The following ZFHX3 variants were observed in gnomAD, a reference collection of about 807,000 sequenced individuals.
ZFHX3 encodes the protein zinc finger homeobox protein 3.
A neutral mutation model predicts 279.1 loss-of-function variants in ZFHX3; 42 were observed. The ratio of observed to expected loss-of-function variants is 0.15; its 90% CI spans 0.12 to 0.19. ZFHX3 has a LOEUF of 0.19. ZFHX3 is among the 10% of genes least tolerant of loss of function. The pLI is 1.00. For missense variants in ZFHX3, 4,981 were observed against 4,754.0 expected (o/e 1.05, Z -1.40); for synonymous variants, 2,293 against 1,957.8 (o/e 1.17, Z -4.52).
intron 1 of ZFHX3, among the ~76,000 whole-genome samples, chr16:73,710,904 C>A (rs938294669): frequency 1.3e-5 from 2 of 152,174 alleles, no homozygotes; most frequent in African/African-American, 4.8e-5. Context: ...CTCTCTCTAG[C>A]CCTCACTGAT....
intron 1 of ZFHX3, among the ~76,000 whole-genome samples, chr16:73,752,718 T>G (rs1567398578): frequency 6.6e-6 from 1 of 152,044 alleles, no homozygotes; most frequent in Non-Finnish European, 1.5e-5. Flanking sequence ...TGTCGACTAG[T>G]GAGTGTGTTT....
In ZFHX3 at chr16:72,793,998, A is replaced by G; in HGVS notation, c.8684T>C (p.Val2895Ala). 6.2e-7 allele frequency: 1 copy of G among 1,614,220 alleles called. No homozygotes were observed. Among genetic ancestry groups the G allele is most frequent in the Non-Finnish European group, 8.5e-7 (1 of 1,180,040 alleles). The stretch of plus-strand genomic sequence containing the variant: ...GCTATAAAAGCTCGGGGCCGGGCTG[A>G]CCAGACCAGATGACAACCGATCTTC... ...EYEDRLSSGL[V>A]SPAPSFYSKE... The change falls in exon 9 of 10, where the codon GTC becomes GCC. Residue 2895 changes from valine (V) to alanine (A), a missense_variant. This residue lies in a region of ZFHX3 where 744 missense variants were observed against 701.3 expected (regional missense o/e 1.06). Coordinates refer to ENST00000268489, the MANE Select transcript of ZFHX3 (RefSeq NM_006885.4). This position sits in a 1 kb window ranked among gnomAD's most constrained non-coding sequence, Gnocchi z 4.3.
chr16:73,299,037 A>T (rs893562653), intron 4 of ZFHX3, among the ~76,000 whole-genome samples: 2 of 152,200 alleles, frequency 1.3e-5, no homozygotes, highest in Non-Finnish European at 2.9e-5. Flanking sequence ...TTCTAATGTC[A>T]AAAAGTCTCT....
At chr16:72,953,424 T>C (rs1432620846) in intron 2 of ZFHX3, among the ~76,000 whole-genome samples, 1 of 152,104 alleles carries the variant, frequency 6.6e-6, no homozygotes. Context: ...AGCAAACATA[T>C]ATTTGTTTCT....
intron 1 of ZFHX3, among the ~76,000 whole-genome samples, chr16:73,710,754 G>A (rs1305504432): frequency 6.6e-6 from 1 of 151,914 alleles, no homozygotes; most frequent in South Asian, 2.1e-4. Context: ...AAGAATAATT[G>A]ACAGCTTCCC....
At chr16:73,484,566 G>A (rs962979385) in intron 2 of ZFHX3, among the ~76,000 whole-genome samples, 7 of 152,152 alleles carry the variant, frequency 4.6e-5, no homozygotes, top group African/African-American at 1.7e-4. Flanking sequence ...AGAATGGTCC[G>A]TTCGGGGCCA....
At position 73,782,821 on chromosome 16, in the gene ZFHX3, CCTTATCCAA is replaced by C. The variant is rs566162642; in HGVS notation, c.-1607-102590_-1607-102582del. ...CCCTGAATCACTACATGGAGCAGAC[CCTTATCCAA>C]CACTGAGCTGAGTGAAATATGCACT... On this transcript the variant is annotated intron_variant, in intron 1 of 17. Coordinates refer to the ZFHX3 transcript ENST00000641206. Among the ~76,000 whole-genome samples the C allele has an allele frequency of 1.4e-3, 209 of 152,242 alleles. 1 individual carries two copies. The highest frequency in any genetic ancestry group is 4.9e-3 in the African/African-American group (204 of 41,548).
At chr16:73,147,580 T>C (rs557205254) in intron 5 of ZFHX3, among the ~76,000 whole-genome samples, 2 of 149,018 alleles carry the variant, frequency 1.3e-5, no homozygotes, top group East Asian at 4.0e-4. Flanking sequence ...TAGTCCCAGC[T>C]ACTCGGGAGG....
chr16:73,296,672 G>T (rs541884434), intron 4 of ZFHX3, among the ~76,000 whole-genome samples: 19 of 152,154 alleles, frequency 1.2e-4, no homozygotes, highest in Admixed American at 7.9e-4. Context: ...ACCTAAGATA[G>T]GCAGTTACGT....
chr16:73,018,426 T>C (rs900735009), intron 1 of ZFHX3, among the ~76,000 whole-genome samples: 2 of 152,052 alleles, frequency 1.3e-5, no homozygotes, highest in Non-Finnish European at 2.9e-5. Context: ...GCCAACATGG[T>C]GAAACCCCGT....
At chr16:73,380,684 A>G (rs993470957) in intron 3 of ZFHX3, among the ~76,000 whole-genome samples, 2 of 152,232 alleles carry the variant, frequency 1.3e-5, no homozygotes, top group African/African-American at 4.8e-5. Context: ...AACTTTAAAA[A>G]TACTTAGAGA....
At chr16:73,679,569 A>G (rs1391211531) in intron 2 of ZFHX3, 1 of 152,152 alleles carries the variant, frequency 6.6e-6, no homozygotes, top group Non-Finnish European at 1.5e-5. Flanking sequence ...CTCATAGTAC[A>G]ATTTTCTGGT....
In ZFHX3 at chr16:73,704,338, C is replaced by A. The variant is rs536323491; in HGVS notation, c.-1607-24098G>T. Reference sequence around the variant, plus strand: ...ATCATTTGTTCACCATGCAACTGTTCTTCAGGGAATGAACAAGAAATTGCT... The same window carrying A: ...ATCATTTGTTCACCATGCAACTGTTATTCAGGGAATGAACAAGAAATTGCT... On this transcript the variant is annotated intron_variant, in intron 1 of 17. Transcript: ENST00000641206. Among the ~76,000 whole-genome samples the A allele has an allele frequency of 4.6e-5, 7 of 152,284 alleles. No individual in the cohort carries two copies. In the South Asian group the frequency reaches 1.5e-3, roughly 32 times the overall value.
At chr16:72,920,412 G>C (rs1274008929) in intron 3 of ZFHX3, among the ~76,000 whole-genome samples, 2 of 152,102 alleles carry the variant, frequency 1.3e-5, no homozygotes, top group Non-Finnish European at 2.9e-5. Context: ...CAGGTGCAGT[G>C]GCTCATGCCT....
At chr16:73,507,142 T>C (rs1597362555) in intron 2 of ZFHX3, among the ~76,000 whole-genome samples, 1 of 152,204 alleles carries the variant, frequency 6.6e-6, no homozygotes, top group Admixed American at 6.5e-5. Context: ...CCTATATAGC[T>C]TTTCTGATTC....
At chr16:73,674,589 T>A (rs1174404209) in intron 2 of ZFHX3, among the ~76,000 whole-genome samples, 1 of 152,228 alleles carries the variant, frequency 6.6e-6, no homozygotes, top group African/African-American at 2.4e-5. Flanking sequence ...CATTGCTGTA[T>A]CCATGCCCTT....
At chr16:73,661,452 G>A (rs2052783615) in intron 2 of ZFHX3, among the ~76,000 whole-genome samples, 1 of 152,200 alleles carries the variant, frequency 6.6e-6, no homozygotes. Context: ...CGGGTGTGCT[G>A]GCTCACGCCT....
chr16:73,765,430 G>A (rs1170427707), intron 1 of ZFHX3, among the ~76,000 whole-genome samples: 1 of 152,182 alleles, frequency 6.6e-6, no homozygotes, highest in Non-Finnish European at 1.5e-5. Context: ...CTAACTACCT[G>A]TGAAGAGAAT....
At chr16:73,627,193 T>C (rs1464661755) in intron 2 of ZFHX3, among the ~76,000 whole-genome samples, 1 of 152,108 alleles carries the variant, frequency 6.6e-6, no homozygotes, top group Non-Finnish European at 1.5e-5. Flanking sequence ...AAAACACAGA[T>C]GTAGGCAATA....
Sources: gnomAD v4.1 joint callset for allele counts (sites outside exome capture counted in the v4.1 genomes callset) on GRCh38, gnomAD v4.1.1 for gene constraint, gnomAD v4.1.1 regional missense constraint, Gnocchi (gnomAD v3.1) non-coding constraint, MANE v1.5 for transcripts, NCBI Gene and HGNC (gene_info 2026-07-23, HGNC 2026-07-21) for gene names.